NEXMIF: variants seen among roughly 807,000 people sequenced by gnomAD.
The protein encoded by NEXMIF is XLMR protein related to neurite extension.
NEXMIF carries 8 observed loss-of-function variants against 62.1 expected under a neutral mutation model. The observed-to-expected ratio is 0.13, with a 90% CI of 0.08 to 0.23. The LOEUF (loss-of-function observed/expected upper bound fraction) is 0.23. Ranked by LOEUF, NEXMIF falls within the 10% of genes least tolerant of loss-of-function variation. The pLI is 1.00. For synonymous variants in NEXMIF, 404 were observed against 416.6 expected (o/e 0.97, Z 0.37); for missense variants, 976 against 1,113.3 (o/e 0.88, Z 1.75).
rs753306582 is a variant in NEXMIF at position 74,824,912 on chromosome X, T to C, written c.-47-79215A>G. 3.2e-3 allele frequency among the ~76,000 whole-genome samples: 355 copies of C among 111,162 alleles called. 2 individuals are homozygous for C. The highest frequency in any genetic ancestry group is 0.011 in the African/African-American group (338 of 30,568). ...ATCCGCCCACCTCGGCCTCCCAAAG[T>C]GCTGGGATTACAGGTATAAGCCCCC... On this transcript the variant is annotated intron_variant, in intron 1 of 3. Coordinates refer to ENST00000055682, the MANE Select transcript of NEXMIF (RefSeq NM_001008537.3).
intron 1 of NEXMIF, among the ~76,000 whole-genome samples, chrX:74,789,855 AT>A (rs2080273662): frequency 9.3e-6 from 1 of 107,176 alleles, no homozygotes; most frequent in African/African-American, 3.4e-5. Flanking sequence ...GTTTGAGTTC[AT>A]TGTAGATTCT....
rs201084618 is a variant in NEXMIF at position 74,742,680 on chromosome X, C to G, written c.1877G>C (p.Arg626Pro). The part of the protein sequence containing the change: ...SFEVSFLPPA[R>P]KRKSKLGNRH... ...GTTGCCAAGTTTAGATTTTCGTTTGCGAGCAGGTGGCAGAAATGACACCTC... is the reference window on the plus strand; with the variant it reads ...GTTGCCAAGTTTAGATTTTCGTTTGGGAGCAGGTGGCAGAAATGACACCTC... The change falls in exon 3 of 4, where the codon CGC becomes CCC. Residue 626 changes from arginine (R) to proline (P), a missense_variant. Coordinates refer to ENST00000055682, the MANE Select transcript of NEXMIF (RefSeq NM_001008537.3). 1 of 1,209,198 alleles carries G rather than the reference C, an allele frequency of 8.3e-7. No individual in the cohort carries two copies. Among genetic ancestry groups the G allele is most frequent in the Non-Finnish European group, 1.1e-6 (1 of 894,828 alleles).
At position 74,735,459 on chromosome X, in the gene NEXMIF, C is replaced by T. The variant is rs931953045; in HGVS notation, c.*3946G>A. On this transcript the variant is annotated 3_prime_UTR_variant, in exon 4 of 4. Transcript: ENST00000055682. ...AAATGCTAATTGAAACCTACTAAAA[C>T]AGAAATTCACTAGAACTGCAAAACC... The T allele has an allele frequency of 9.0e-6, 1 of 111,687 alleles. No individual in the cohort carries two copies. The highest frequency in any genetic ancestry group is 3.3e-5 in the African/African-American group (1 of 30,751). 9.2% of individuals were successfully genotyped at this position (111,687 alleles called of 1,213,427 possible).
intron 1 of NEXMIF, among the ~76,000 whole-genome samples, chrX:74,785,824 CT>C (rs1393359021): frequency 8.9e-6 from 1 of 112,218 alleles, no homozygotes; most frequent in Admixed American, 9.4e-5. Context: ...AAAGGGCTGG[CT>C]TTGTCACTCA....
intron 1 of NEXMIF, among the ~76,000 whole-genome samples, chrX:74,908,654 C>T (rs1285150680): frequency 8.9e-6 from 1 of 112,597 alleles, no homozygotes; most frequent in Non-Finnish European, 1.9e-5. Context: ...GCTAACAAAG[C>T]ATTACTGAAT....
chrX:74,841,437 A>G (rs2080473527), intron 1 of NEXMIF, among the ~76,000 whole-genome samples: 1 of 111,316 alleles, frequency 9.0e-6, no homozygotes, highest in African/African-American at 3.3e-5. Context: ...AGATAGTTTG[A>G]CTTCCTCTCT....
chrX:74,759,164 AT>A (rs1291637600), intron 1 of NEXMIF, among the ~76,000 whole-genome samples: 8 of 111,864 alleles, frequency 7.2e-5, no homozygotes, highest in Non-Finnish European at 1.3e-4. Context: ...TGACGCTGAG[AT>A]TTTTTTCATA....
intron 1 of NEXMIF, among the ~76,000 whole-genome samples, chrX:74,840,227 C>T (rs1401458241): frequency 9.0e-6 from 1 of 111,480 alleles, no homozygotes; most frequent in Non-Finnish European, 1.9e-5. Flanking sequence ...TGAGAACTGT[C>T]TGTTCATATC....
intron 1 of NEXMIF, among the ~76,000 whole-genome samples, chrX:74,790,457 G>A (rs1232407218): frequency 1.8e-5 from 2 of 111,608 alleles, no homozygotes; most frequent in African/African-American, 3.2e-5. Flanking sequence ...TTGGCGATGC[G>A]GGCTCTTTTT....
At chrX:74,921,209 T>C (rs772747398) in intron 1 of NEXMIF, among the ~76,000 whole-genome samples, 3 of 110,994 alleles carry the variant, frequency 2.7e-5, no homozygotes, top group Non-Finnish European at 5.7e-5. Context: ...CAGAGGCCTG[T>C]GAATCACTGT....
chrX:74,817,721 TTC>T (rs1354354392), intron 1 of NEXMIF, among the ~76,000 whole-genome samples: 7 of 111,571 alleles, frequency 6.3e-5, no homozygotes, highest in Non-Finnish European at 1.9e-5. Flanking sequence ...TCCCCTAGTC[TTC>T]TCTTCTCTGG....
chrX:74,773,721 A>G (rs750864167), intron 1 of NEXMIF, among the ~76,000 whole-genome samples: 39 of 109,740 alleles, frequency 3.6e-4, no homozygotes, highest in Middle Eastern at 4.7e-3. Flanking sequence ...CAGTCTGGCC[A>G]CTATGGCAAA....
intron 1 of NEXMIF, among the ~76,000 whole-genome samples, chrX:74,904,096 C>T (rs187562261): frequency 9.0e-6 from 1 of 111,221 alleles, no homozygotes; most frequent in Non-Finnish European, 1.9e-5. Flanking sequence ...GGGTCAACTT[C>T]CATGACCCAG....
chrX:74,893,125 G>T (rs916502221), intron 1 of NEXMIF, among the ~76,000 whole-genome samples: 5 of 112,185 alleles, frequency 4.5e-5, no homozygotes, highest in African/African-American at 1.6e-4. Context: ...TGCTCTTCCA[G>T]TAGAATCAGA....
At chrX:74,882,419 G>A (rs887563230) in intron 1 of NEXMIF, among the ~76,000 whole-genome samples, 1 of 112,081 alleles carries the variant, frequency 8.9e-6, no homozygotes, top group Admixed American at 9.4e-5. Context: ...GTGACAGACG[G>A]CACCTGGAAA....
At position 74,925,020 on chromosome X, in the gene NEXMIF, T is replaced by TAATGCTGCCGCCGCCGCC. The variant is rs1180989843; in HGVS notation, c.-186_-185insGGCGGCGGCGGCAGCATT. 11 of 120,718 alleles carry TAATGCTGCCGCCGCCGCC rather than the reference T, an allele frequency of 9.1e-5. No individual in the cohort carries two copies. Among genetic ancestry groups the TAATGCTGCCGCCGCCGCC allele is most frequent in the Non-Finnish European group, 1.5e-4 (9 of 58,583 alleles). 9.9% of individuals were successfully genotyped at this position (120,718 alleles called of 1,213,427 possible). A position where few individuals can be genotyped will look rare whatever the true frequency, so the allele number is the denominator to read the frequency against. On this transcript the variant is annotated 5_prime_UTR_variant, in exon 1 of 4. The change abolishes the stop of an existing upstream ORF in the 5' untranslated region. Coordinates refer to ENST00000055682, the MANE Select transcript of NEXMIF (RefSeq NM_001008537.3). Reference sequence around the variant, plus strand: ...CTGCCTTAGCCGCCACCGCCGCTGCTACTGCTGCCGCCGCCGCCGCCGCCT... The same window carrying TAATGCTGCCGCCGCCGCC: ...CTGCCTTAGCCGCCACCGCCGCTGCTAATGCTGCCGCCGCCGCCACTGCTGCCGCCGCCGCCGCCGCCT...
intron 1 of NEXMIF, among the ~76,000 whole-genome samples, chrX:74,881,413 CACACACACACAG>C (rs1169839031): frequency 2.0e-4 from 21 of 102,660 alleles, no homozygotes; most frequent in Non-Finnish European, 3.9e-5. Context: ...CACACACACA[CACACACACACAG>C]AGCAAATACA....
At chrX:74,798,197 A>G (rs2080318250) in intron 1 of NEXMIF, among the ~76,000 whole-genome samples, 1 of 111,609 alleles carries the variant, frequency 9.0e-6, no homozygotes, top group African/African-American at 3.3e-5. Context: ...AGGTTGATCT[A>G]TTCAGCAAAC....
intron 1 of NEXMIF, among the ~76,000 whole-genome samples, chrX:74,808,843 T>C (rs190481661): frequency 8.9e-5 from 10 of 112,393 alleles, no homozygotes; most frequent in Admixed American, 4.7e-4. Context: ...GGAAAGGAGC[T>C]TTAACGGCTG....
Sources: gnomAD v4.1 joint callset for allele counts (sites outside exome capture counted in the v4.1 genomes callset) on GRCh38, gnomAD v4.1.1 for gene constraint, MANE v1.5 for transcripts, NCBI Gene and HGNC (gene_info 2026-07-23, HGNC 2026-07-21) for gene names.